The following ANO2 variants were observed in gnomAD, a reference collection of about 807,000 sequenced individuals.
ANO2 encodes the protein anoctamin-2.
Under a neutral mutation model 124.2 loss-of-function variants are expected in ANO2, and 101 were observed. That is an observed-to-expected ratio of 0.81 (90% confidence interval 0.69 to 0.96). The LOEUF is 0.96. Among genes scored for constraint, ANO2 ranks in the 40% least tolerant of loss-of-function variants. The probability of loss-of-function intolerance (pLI) is 0.00; values close to 1 mark genes in which losing one functional copy is unlikely to be tolerated. For missense variants in ANO2, 1,293 were observed against 1,274.5 expected, an observed-to-expected ratio of 1.01 and a Z score of -0.22; for synonymous variants, 486 against 482.5, an observed-to-expected ratio of 1.01 and a Z score of -0.09.
intron 14 of ANO2, among the ~76,000 whole-genome samples, chr12:5,662,919 T>G (rs1191829993): frequency 6.6e-6 from 1 of 152,204 alleles, no homozygotes; most frequent in Non-Finnish European, 1.5e-5. Flanking sequence ...GGGAACACCC[T>G]GAGAGACAAG....
intron 15 of ANO2, among the ~76,000 whole-genome samples, chr12:5,645,198 C>T (rs1400077292): frequency 6.6e-6 from 1 of 152,134 alleles, no homozygotes; most frequent in Non-Finnish European, 1.5e-5. Context: ...TATCGCTATG[C>T]TGTATTACGG....
At chr12:5,798,544 C>A (rs1200629314) in intron 10 of ANO2, among the ~76,000 whole-genome samples, 1 of 152,168 alleles carries the variant, frequency 6.6e-6, no homozygotes. Context: ...TATTCTCAGG[C>A]TGATGAATTA....
chr12:5,593,625 T>C (rs1332479005), intron 20 of ANO2, among the ~76,000 whole-genome samples: 1 of 152,156 alleles, frequency 6.6e-6, no homozygotes, highest in Non-Finnish European at 1.5e-5. Context: ...TTTCTAGATT[T>C]GAGAGAAACT....
intron 10 of ANO2, among the ~76,000 whole-genome samples, chr12:5,767,310 G>A (rs1236653040): frequency 6.6e-6 from 1 of 152,206 alleles, no homozygotes; most frequent in African/African-American, 2.4e-5. Context: ...TTCTCTGGAA[G>A]ACAGCCTGGA....
intron 3 of ANO2, among the ~76,000 whole-genome samples, chr12:5,865,674 C>T (rs570593590): frequency 6.6e-6 from 1 of 152,132 alleles, no homozygotes; most frequent in South Asian, 2.1e-4. Context: ...ATCGTGCATT[C>T]ACACTATCAT....
intron 11 of ANO2, among the ~76,000 whole-genome samples, chr12:5,744,683 C>T (rs1021621074): frequency 4.6e-5 from 7 of 152,196 alleles, no homozygotes; most frequent in Non-Finnish European, 8.8e-5. Context: ...AAATCACAGC[C>T]TGAAGCTGGA....
intron 14 of ANO2, among the ~76,000 whole-genome samples, chr12:5,704,786 C>A (rs111951374): frequency 6.6e-6 from 1 of 151,868 alleles, no homozygotes; most frequent in Non-Finnish European, 1.5e-5. Flanking sequence ...AGCTTTCTGA[C>A]GAAATGTTTT....
intron 13 of ANO2, among the ~76,000 whole-genome samples, chr12:5,736,723 C>A (rs1005406178): frequency 6.6e-6 from 1 of 152,162 alleles, no homozygotes; most frequent in Non-Finnish European, 1.5e-5. Context: ...CTCCCTGACC[C>A]GGTCACCAGA....
intron 7 of ANO2, among the ~76,000 whole-genome samples, chr12:5,816,147 TCTC>T (rs1953601750): frequency 8.4e-6 from 1 of 119,756 alleles, no homozygotes; most frequent in African/African-American, 3.2e-5. Flanking sequence ...TTTCTCTCTC[TCTC>T]TTTTTTTTTT....
intron 14 of ANO2, among the ~76,000 whole-genome samples, chr12:5,686,533 T>G (rs1948713200): frequency 6.6e-6 from 1 of 152,240 alleles, no homozygotes; most frequent in Non-Finnish European, 1.5e-5. Context: ...TCACTCATCA[T>G]AAAATAGAGG....
At chr12:5,592,951 G>A (rs1445767318) in intron 20 of ANO2, among the ~76,000 whole-genome samples, 6 of 152,296 alleles carry the variant, frequency 3.9e-5, no homozygotes, top group East Asian at 3.9e-4. Flanking sequence ...TCTGGTCTCC[G>A]AGAGGAACCT....
rs189761095 is a variant in ANO2 at position 5,631,475 on chromosome 12, T to C, written c.1816+3677A>G. ...GAATGGCCCTGCTTGCTGTCCATCT[T>C]TCCCTGGTCACAGTGAAAGCAAAAT... On this transcript the variant is annotated intron_variant, in intron 16 of 24. Coordinates refer to ENST00000682330, the MANE Select transcript of ANO2 (RefSeq NM_001364791.2). 4.6e-5 allele frequency among the ~76,000 whole-genome samples: 7 copies of C among 152,332 alleles called. No homozygotes were observed. In the East Asian group the frequency reaches 5.8e-4, roughly 13 times the overall value.
In ANO2 at chr12:5,658,371, T is replaced by G. The variant is rs1203587417; in HGVS notation, c.1546-10570A>C. ...GTTAGAACCCAATACTTGTTGCCTA[T>G]CATCATCATCATCAACAACATCATC... On this transcript the variant is annotated intron_variant, in intron 14 of 24. Transcript: ENST00000682330. This position sits in a 1 kb window ranked among gnomAD's most constrained non-coding sequence, Gnocchi z 4.3. 1.7e-5 allele frequency among the ~76,000 whole-genome samples: 1 copy of G among 58,412 alleles called. No homozygotes were observed. Among genetic ancestry groups the G allele is most frequent in the African/African-American group, 1.1e-4 (1 of 8,778 alleles). 38.3% of individuals were successfully genotyped at this position (58,412 alleles called of 152,430 possible).
At chr12:5,906,022 T>C (rs1314406626) in intron 3 of ANO2, among the ~76,000 whole-genome samples, 1 of 152,062 alleles carries the variant, frequency 6.6e-6, no homozygotes, top group African/African-American at 2.4e-5. Context: ...TGCTGTGGTG[T>C]TTTCTTCCCA....
chr12:5,599,464 G>T lies in ANO2; in HGVS notation c.2233+20C>A. ...TGTCTGAACCTGCCCCCAGTGGAAG[G>T]CAGGACCATGGGTTCTCACTCATTT... is the stretch of plus-strand genomic sequence containing the variant. On this transcript the variant is annotated intron_variant, in intron 20 of 24. Transcript: ENST00000682330. 1 of 1,590,616 alleles carries T rather than the reference G, an allele frequency of 6.3e-7. No homozygotes were observed.
At chr12:5,765,331 G>A (rs1425663585) in intron 10 of ANO2, among the ~76,000 whole-genome samples, 1 of 152,108 alleles carries the variant, frequency 6.6e-6, no homozygotes, top group East Asian at 1.9e-4. Flanking sequence ...CAGCAGTCCG[G>A]GGTGACTTGT....
intron 12 of ANO2, among the ~76,000 whole-genome samples, chr12:5,742,933 C>A (rs979427088): frequency 6.6e-5 from 10 of 152,036 alleles, no homozygotes; most frequent in Admixed American, 1.3e-4. Flanking sequence ...TCCTCCTGCT[C>A]CCTGCTCCAG....
chr12:5,814,499 T>C (rs1377538943), intron 7 of ANO2, among the ~76,000 whole-genome samples: 1 of 152,228 alleles, frequency 6.6e-6, no homozygotes, highest in Non-Finnish European at 1.5e-5. Flanking sequence ...TAAAATACCT[T>C]CCCACTCCCA....
intron 4 of ANO2, among the ~76,000 whole-genome samples, chr12:5,844,518 A>G (rs1565716742): frequency 6.6e-6 from 1 of 152,198 alleles, no homozygotes; most frequent in Non-Finnish European, 1.5e-5. Flanking sequence ...ATAACAGAGG[A>G]AAAAATACAT....
Sources: gnomAD v4.1 joint callset for allele counts (sites outside exome capture counted in the v4.1 genomes callset) on GRCh38, gnomAD v4.1.1 for gene constraint, Gnocchi (gnomAD v3.1) non-coding constraint, MANE v1.5 for transcripts, NCBI Gene and HGNC (gene_info 2026-07-23, HGNC 2026-07-21) for gene names.